MICU1: variants seen among roughly 807,000 people sequenced by gnomAD.
MICU1 encodes calcium uptake protein 1, mitochondrial.
A neutral mutation model predicts 56.8 loss-of-function variants in MICU1; 45 were observed. That is an observed-to-expected ratio of 0.79 (90% CI 0.62 to 1.02). The LOEUF (loss-of-function observed/expected upper bound fraction) is 1.02. Among genes scored for constraint, MICU1 ranks in the 50% least tolerant of loss-of-function variants. The pLI is 0.00. For synonymous variants in MICU1, 186 were observed against 195.1 expected (o/e 0.95, Z 0.39); for missense variants, 504 against 587.1 (o/e 0.86, Z 1.46).
intron 10 of MICU1, among the ~76,000 whole-genome samples, chr10:72,380,250 C>A (rs773401516): frequency 2.0e-5 from 3 of 152,154 alleles, no homozygotes; most frequent in Non-Finnish European, 4.4e-5. Context: ...CATGAAGGCA[C>A]CCCAGCGAAG....
intron 1 of MICU1, among the ~76,000 whole-genome samples, chr10:72,604,662 T>C (rs892579589): frequency 6.6e-6 from 1 of 152,188 alleles, no homozygotes; most frequent in Non-Finnish European, 1.5e-5. Flanking sequence ...CTTGAAGATG[T>C]TGTCTTAAAC....
At chr10:72,399,375 T>G (rs976874737) in intron 10 of MICU1, among the ~76,000 whole-genome samples, 3 of 152,132 alleles carry the variant, frequency 2.0e-5, no homozygotes, top group African/African-American at 7.2e-5. Context: ...GATGAGTTGA[T>G]GGGTGCAGCA....
At chr10:72,431,094 GTCTATCTA>G (rs143659735) in intron 8 of MICU1, among the ~76,000 whole-genome samples, 3,757 of 141,420 alleles carry the variant, frequency 0.027, 217 homozygotes, top group East Asian at 0.22. Context: ...TTATCTGTCT[GTCTATCTA>G]TCTATCTATC....
intron 9 of MICU1, among the ~76,000 whole-genome samples, chr10:72,417,830 T>C (rs1280006329): frequency 2.0e-5 from 3 of 152,228 alleles, no homozygotes; most frequent in African/African-American, 7.2e-5. Context: ...TAAGCCTAGC[T>C]GCACATTAGA....
At chr10:72,481,449 T>A (rs187421452) in intron 6 of MICU1, among the ~76,000 whole-genome samples, 2 of 152,336 alleles carry the variant, frequency 1.3e-5, no homozygotes, top group East Asian at 3.9e-4. Flanking sequence ...TCTTGCTCTA[T>A]TGCCCAGGCT....
chr10:72,536,953 T>C (rs1376446133), intron 4 of MICU1, among the ~76,000 whole-genome samples: 1 of 152,154 alleles, frequency 6.6e-6, no homozygotes, highest in Non-Finnish European at 1.5e-5. Flanking sequence ...TAACTCAAAA[T>C]GTAACTTAAA....
intron 5 of MICU1, among the ~76,000 whole-genome samples, chr10:72,526,742 G>A (rs902581631): frequency 5.9e-5 from 9 of 152,008 alleles, no homozygotes; most frequent in Non-Finnish European, 1.3e-4. Context: ...TGTAGAGACA[G>A]GATTCCAAAT....
intron 8 of MICU1, among the ~76,000 whole-genome samples, chr10:72,452,504 TAC>T (rs1865330046): frequency 6.6e-6 from 1 of 152,186 alleles, no homozygotes; most frequent in Admixed American, 6.5e-5. Flanking sequence ...GTATTTCAAA[TAC>T]AGTCATGTGC....
intron 1 of MICU1, among the ~76,000 whole-genome samples, chr10:72,600,397 C>A (rs1841495841): frequency 6.6e-6 from 1 of 151,644 alleles, no homozygotes; most frequent in Non-Finnish European, 1.5e-5. Flanking sequence ...ACCTGTAATC[C>A]CAGCACTTTG....
chr10:72,613,275 T>TTC (rs1252477477), intron 1 of MICU1, among the ~76,000 whole-genome samples: 6 of 141,036 alleles, frequency 4.3e-5, no homozygotes, highest in Non-Finnish European at 7.4e-5. Context: ...CCTAATTTTT[T>TTC]TTTTTTTTTT....
intron 3 of MICU1, among the ~76,000 whole-genome samples, chr10:72,552,334 TG>T (rs1238617093): frequency 6.6e-6 from 1 of 152,146 alleles, no homozygotes; most frequent in Non-Finnish European, 1.5e-5. Flanking sequence ...ATTCTGCACA[TG>T]GAACATACAA....
intron 10 of MICU1, among the ~76,000 whole-genome samples, chr10:72,377,286 A>C (rs1469281626): frequency 1.2e-4 from 18 of 151,858 alleles, no homozygotes; most frequent in Non-Finnish European, 2.9e-5. Flanking sequence ...CGCCTGGCTA[A>C]TTTTTATATT....
chr10:72,560,123 A>G (rs1424066346), intron 3 of MICU1: 1 of 152,332 alleles, frequency 6.6e-6, no homozygotes, highest in Non-Finnish European at 1.5e-5. Flanking sequence ...AATGAATGGG[A>G]AAGTAGCAAG....
At chr10:72,467,772 A>G (rs1271069977) in intron 8 of MICU1, 2 of 151,952 alleles carry the variant, frequency 1.3e-5, no homozygotes, top group East Asian at 3.9e-4. Context: ...AATCATACCT[A>G]ATTTACCTTT....
intron 4 of MICU1, among the ~76,000 whole-genome samples, chr10:72,534,207 A>ACC (rs1564922961): frequency 1.3e-5 from 2 of 151,864 alleles, no homozygotes; most frequent in African/African-American, 4.8e-5. Context: ...AAAAAAAAAA[A>ACC]AAAAAACTAT....
At chr10:72,604,438 T>C (rs1356900707) in intron 1 of MICU1, among the ~76,000 whole-genome samples, 1 of 152,114 alleles carries the variant, frequency 6.6e-6, no homozygotes, top group Non-Finnish European at 1.5e-5. Flanking sequence ...CATGCCCAGC[T>C]AATTTTGTAT....
intron 4 of MICU1, among the ~76,000 whole-genome samples, chr10:72,540,497 G>A (rs1288764344): frequency 2.6e-5 from 4 of 151,924 alleles, no homozygotes; most frequent in Admixed American, 2.6e-4. Context: ...AACACAGTGA[G>A]ACACTTGTCT....
At chr10:72,616,699 T>A (rs1841991992) in intron 1 of MICU1, among the ~76,000 whole-genome samples, 1 of 152,126 alleles carries the variant, frequency 6.6e-6, no homozygotes, top group Non-Finnish European at 1.5e-5. Context: ...AGTATTGTTT[T>A]ATCTGATCTT....
intron 10 of MICU1, among the ~76,000 whole-genome samples, chr10:72,400,855 T>C (rs1380653694): frequency 6.6e-6 from 1 of 150,406 alleles, no homozygotes; most frequent in African/African-American, 2.5e-5. Context: ...AGAGAAATGA[T>C]CTGGTGGTGC....
Sources: allele counts gnomAD v4.1 joint callset (sites outside exome capture counted in the v4.1 genomes callset), GRCh38; gene constraint gnomAD v4.1.1; transcripts MANE v1.5; gene names NCBI Gene and HGNC (gene_info 2026-07-23, HGNC 2026-07-21).